The following LRRC28 variants were observed in gnomAD, a reference collection of about 807,000 sequenced individuals.
The protein encoded by LRRC28 is leucine rich repeat containing 28, also known as leucine-rich repeat-containing protein 28.
A neutral mutation model predicts 45.7 loss-of-function variants in LRRC28; 39 were observed. That is an observed-to-expected ratio of 0.85 (90% CI 0.66 to 1.12). The LOEUF (loss-of-function observed/expected upper bound fraction) is 1.12. Among genes scored for constraint, LRRC28 ranks in the 50% most tolerant of loss-of-function variants. LRRC28 has a pLI of 0.00. For missense variants in LRRC28, 435 were observed against 438.5 expected (o/e 0.99, Z 0.07); for synonymous variants, 206 against 178.8 (o/e 1.15, Z -1.22).
chr15:99,318,462 A>G (rs574330836), intron 5 of LRRC28, among the ~76,000 whole-genome samples: 9 of 152,248 alleles, frequency 5.9e-5, no homozygotes, highest in Non-Finnish European at 8.8e-5. Context: ...AGCAATAGAA[A>G]TAAAAGTTTA....
intron 2 of LRRC28, among the ~76,000 whole-genome samples, chr15:99,266,374 C>A (rs1028906119): frequency 2.6e-5 from 4 of 152,114 alleles, no homozygotes; most frequent in Non-Finnish European, 4.4e-5. Flanking sequence ...GAACACCTAG[C>A]CAGGCATCGA....
At chr15:99,257,314 C>T (rs566125392) in intron 2 of LRRC28, among the ~76,000 whole-genome samples, 4 of 152,196 alleles carry the variant, frequency 2.6e-5, no homozygotes, top group East Asian at 1.9e-4. Context: ...GTCATCATCC[C>T]GTGCTATGAA....
chr15:99,306,889 G>A (rs1369759130), intron 5 of LRRC28, among the ~76,000 whole-genome samples: 2 of 152,180 alleles, frequency 1.3e-5, no homozygotes, highest in African/African-American at 4.8e-5. Context: ...TTTCCTTCTT[G>A]CTGGTGCGTC....
At chr15:99,324,574 A>C (rs781000948) in intron 5 of LRRC28, among the ~76,000 whole-genome samples, 1 of 152,172 alleles carries the variant, frequency 6.6e-6, no homozygotes, top group Non-Finnish European at 1.5e-5. Context: ...TCAGCACAGA[A>C]CTATGATTTA....
At chr15:99,257,192 G>T (rs1201125373) in intron 2 of LRRC28, among the ~76,000 whole-genome samples, 1 of 152,126 alleles carries the variant, frequency 6.6e-6, no homozygotes, top group Non-Finnish European at 1.5e-5. Context: ...GTTCTTTTGT[G>T]ATTGGCATAT....
chr15:99,330,479 T>C (rs1032182668), intron 5 of LRRC28, among the ~76,000 whole-genome samples: 1 of 152,200 alleles, frequency 6.6e-6, no homozygotes, highest in African/African-American at 2.4e-5. Context: ...CATTTTACTA[T>C]TATGAAATAT....
intron 5 of LRRC28, chr15:99,317,675 G>A (rs758743084): frequency 6.6e-6 from 1 of 151,548 alleles, no homozygotes; most frequent in Non-Finnish European, 1.5e-5. Flanking sequence ...CCTATATTTT[G>A]CTAATCTGCC....
At chr15:99,350,417 A>G (rs566760567) in intron 6 of LRRC28, among the ~76,000 whole-genome samples, 43 of 152,246 alleles carry the variant, frequency 2.8e-4, no homozygotes, top group African/African-American at 1.0e-3. Flanking sequence ...TCTTACCTTA[A>G]CTTTATATTA....
chr15:99,265,415 G>A (rs776830242), intron 2 of LRRC28, among the ~76,000 whole-genome samples: 1 of 152,176 alleles, frequency 6.6e-6, no homozygotes, highest in Non-Finnish European at 1.5e-5. Flanking sequence ...ACGAACTGCT[G>A]TATTGGGCAC....
At chr15:99,359,433 C>T (rs1435623311) in intron 7 of LRRC28, among the ~76,000 whole-genome samples, 2 of 152,150 alleles carry the variant, frequency 1.3e-5, no homozygotes, top group Non-Finnish European at 2.9e-5. Context: ...GCCAGCAAGG[C>T]TAACAAAAGG....
At chr15:99,341,253 G>A (rs1258851128) in intron 6 of LRRC28, among the ~76,000 whole-genome samples, 1 of 151,906 alleles carries the variant, frequency 6.6e-6, no homozygotes, top group Non-Finnish European at 1.5e-5. Context: ...GCCATGGATG[G>A]CTAATTTTTG....
chr15:99,287,102 G>A (rs1194114828), intron 3 of LRRC28, among the ~76,000 whole-genome samples, 155 bp from the exon 4 acceptor site: 1 of 152,122 alleles, frequency 6.6e-6, no homozygotes, highest in Non-Finnish European at 1.5e-5. Flanking sequence ...TTAGTTAGCT[G>A]TGATAACCAT....
At chr15:99,258,608 C>A (rs1403117088) in intron 2 of LRRC28, 1 of 754,656 alleles carries the variant, frequency 1.3e-6, no homozygotes, top group East Asian at 2.7e-5. Context: ...AAAAAACTGT[C>A]TGTGAATGGG....
At chr15:99,351,636 C>T (rs1396645393) in intron 6 of LRRC28, among the ~76,000 whole-genome samples, 1 of 152,170 alleles carries the variant, frequency 6.6e-6, no homozygotes, top group Admixed American at 6.5e-5. Context: ...AGACTCCTGC[C>T]TAGCCAGTGC....
intron 6 of LRRC28, among the ~76,000 whole-genome samples, chr15:99,336,985 T>C (rs919940897): frequency 6.6e-6 from 1 of 152,268 alleles, no homozygotes; most frequent in African/African-American, 2.4e-5. Flanking sequence ...TACTCACATG[T>C]GCTCTTACCA....
chr15:99,370,016 G>A (rs1363463254), intron 9 of LRRC28, among the ~76,000 whole-genome samples: 1 of 152,148 alleles, frequency 6.6e-6, no homozygotes, highest in East Asian at 1.9e-4. Flanking sequence ...ACTTTTCTTA[G>A]TACTGTAAGA....
intron 9 of LRRC28, among the ~76,000 whole-genome samples, chr15:99,385,720 C>G (rs937475104): frequency 1.3e-5 from 2 of 149,034 alleles, no homozygotes; most frequent in Admixed American, 1.3e-4. Context: ...AAGCAGAGTT[C>G]GAAACGTAAT....
intron 2 of LRRC28, among the ~76,000 whole-genome samples, chr15:99,266,698 G>C (rs1445301430): frequency 6.6e-6 from 1 of 152,122 alleles, no homozygotes; most frequent in Non-Finnish European, 1.5e-5. Context: ...TCACAAAATT[G>C]AATATGATGA....
intron 9 of LRRC28, among the ~76,000 whole-genome samples, chr15:99,372,663 T>G (rs1275445120): frequency 6.6e-6 from 1 of 152,226 alleles, no homozygotes; most frequent in Non-Finnish European, 1.5e-5. Context: ...CCCGTGAGCT[T>G]CATAAGTAGT....
Sources: gnomAD v4.1 joint callset for allele counts (sites outside exome capture counted in the v4.1 genomes callset) on GRCh38, gnomAD v4.1.1 for gene constraint, MANE v1.5 for transcripts, NCBI Gene and HGNC (gene_info 2026-07-23, HGNC 2026-07-21) for gene names.